Variants in GRAMD1B observed in about 807,000 individuals in gnomAD.
The protein encoded by GRAMD1B is GRAM domain containing 1B, also known as protein Aster-B.
GRAMD1B carries 37 observed loss-of-function variants against 99.7 expected under a neutral mutation model. The ratio of observed to expected loss-of-function variants is 0.37; its 90% CI spans 0.29 to 0.49. GRAMD1B has a LOEUF of 0.49. Among genes scored for constraint, GRAMD1B ranks in the 20% least tolerant of loss-of-function variants. GRAMD1B has a pLI of 0.98. For missense variants in GRAMD1B, 888 were observed against 1,009.2 expected (o/e 0.88, Z 1.63); for synonymous variants, 427 against 387.6 (o/e 1.10, Z -1.19).
At chr11:123,572,857 C>A (rs1180504658) in intron 2 of GRAMD1B, among the ~76,000 whole-genome samples, 6 of 147,872 alleles carry the variant, frequency 4.1e-5, no homozygotes, top group African/African-American at 1.5e-4. Context: ...ATGGCTGGGG[C>A]AGGGGCACAG....
intron 1 of GRAMD1B, among the ~76,000 whole-genome samples, chr11:123,444,389 G>A (rs181924204): frequency 1.8e-3 from 270 of 152,226 alleles, no homozygotes; most frequent in Non-Finnish European, 3.4e-3. Context: ...CACTTTGGGT[G>A]GCTGAGGTGG....
chr11:123,523,294 G>A (rs973630119), intron 2 of GRAMD1B, among the ~76,000 whole-genome samples: 3 of 152,034 alleles, frequency 2.0e-5, no homozygotes, highest in Admixed American at 6.6e-5. Context: ...ATTGCACCAC[G>A]GCACTCCAGC....
intron 2 of GRAMD1B, among the ~76,000 whole-genome samples, chr11:123,520,784 A>AG (rs1400499542): frequency 3.3e-5 from 5 of 150,424 alleles, no homozygotes; most frequent in Non-Finnish European, 5.9e-5. Context: ...GTCAAAAAAA[A>AG]AAAAAAAAAG....
At chr11:123,527,144 A>G (rs1463627601) in intron 2 of GRAMD1B, among the ~76,000 whole-genome samples, 6 of 152,266 alleles carry the variant, frequency 3.9e-5, no homozygotes, top group Non-Finnish European at 7.4e-5. Context: ...AGCAAGGATG[A>G]GTCCTGCCTT....
rs1955463049 is a variant in GRAMD1B, at chr11:123,625,749, G to A, written c.*3154G>A. 1 of 152,254 alleles carries A rather than the reference G, an allele frequency of 6.6e-6. No individual in the cohort carries two copies. Among genetic ancestry groups the A allele is most frequent in the South Asian group, 2.1e-4 (1 of 4,824 alleles). The allele number at this position is 152,254 out of a possible 1,614,324, so 9.4% of individuals were successfully genotyped here. ...GGTTCTAGCTTTGACATCATCTTGGGGGTTAGGCCAGAGGCTGGGAAGACT... is the reference window on the plus strand; with the variant it reads ...GGTTCTAGCTTTGACATCATCTTGGAGGTTAGGCCAGAGGCTGGGAAGACT... On this transcript the variant is annotated 3_prime_UTR_variant, in exon 20 of 20. Coordinates refer to ENST00000635736, the MANE Select transcript of GRAMD1B (RefSeq NM_001387025.1).
chr11:123,525,965 G>A (rs1340365427), intron 2 of GRAMD1B: 1 of 606,890 alleles, frequency 1.6e-6, no homozygotes. Flanking sequence ...GGGGAAGAAG[G>A]GGCAGTGGCA....
chr11:123,547,660 T>A (rs182082284), intron 2 of GRAMD1B, among the ~76,000 whole-genome samples: 3 of 152,362 alleles, frequency 2.0e-5, no homozygotes, highest in East Asian at 3.9e-4. Flanking sequence ...CCTTAAGGCA[T>A]CTCTCCTTTA....
At chr11:123,468,630 C>CA (rs1950825683) in intron 1 of GRAMD1B, among the ~76,000 whole-genome samples, 1 of 151,654 alleles carries the variant, frequency 6.6e-6, no homozygotes, top group Admixed American at 6.6e-5. Context: ...CTTATCTTTA[C>CA]AAAAAATACA....
chr11:123,468,153 C>T (rs537742421), intron 1 of GRAMD1B, among the ~76,000 whole-genome samples: 35 of 152,264 alleles, frequency 2.3e-4, no homozygotes, highest in African/African-American at 7.9e-4. Context: ...TGAGTCACCG[C>T]ACCCAGCCTC....
chr11:123,593,880 G>C (rs1171175406), intron 4 of GRAMD1B, among the ~76,000 whole-genome samples: 5 of 152,156 alleles, frequency 3.3e-5, no homozygotes, highest in African/African-American at 7.2e-5. Flanking sequence ...TGGCTGCATA[G>C]TGTTTCCCAG....
At chr11:123,513,465 G>GT in intron 2 of GRAMD1B, among the ~76,000 whole-genome samples, 1 of 151,536 alleles carries the variant, frequency 6.6e-6, no homozygotes, top group Non-Finnish European at 1.5e-5. Context: ...ATGATGAATT[G>GT]TTACTGAGAG....
intron 2 of GRAMD1B, among the ~76,000 whole-genome samples, chr11:123,493,226 G>C (rs889567850): frequency 6.6e-6 from 1 of 152,190 alleles, no homozygotes; most frequent in African/African-American, 2.4e-5. Context: ...CATCCTCTCT[G>C]AATGTTTCCT....
chr11:123,520,770 C>A (rs1407469277), intron 2 of GRAMD1B, among the ~76,000 whole-genome samples: 1 of 101,938 alleles, frequency 9.8e-6, no homozygotes, highest in African/African-American at 3.7e-5. Flanking sequence ...CAGAGTGAGA[C>A]CCTGTCAAAA....
At chr11:123,513,991 G>C (rs1381668766) in intron 2 of GRAMD1B, among the ~76,000 whole-genome samples, 1 of 152,128 alleles carries the variant, frequency 6.6e-6, no homozygotes, top group Non-Finnish European at 1.5e-5. Flanking sequence ...AGAGGTTAGG[G>C]AGCATTAATT....
chr11:123,574,465 G>C (rs1592079639), intron 2 of GRAMD1B, among the ~76,000 whole-genome samples: 1 of 152,202 alleles, frequency 6.6e-6, no homozygotes, highest in Non-Finnish European at 1.5e-5. Context: ...TATTGGAAGA[G>C]GGTGAGCAGA....
intron 2 of GRAMD1B, among the ~76,000 whole-genome samples, chr11:123,533,981 A>G (rs1330500634): frequency 1.3e-5 from 2 of 152,236 alleles, no homozygotes; most frequent in Non-Finnish European, 1.5e-5. Context: ...AGTTTGAGGA[A>G]TAGTAATTTA....
chr11:123,406,898 A>C (rs1394655286), intron 1 of GRAMD1B, among the ~76,000 whole-genome samples: 1 of 152,198 alleles, frequency 6.6e-6, no homozygotes, highest in African/African-American at 2.4e-5. Context: ...ATATATATCA[A>C]TGTGCCAGAC....
chr11:123,456,029 G>T (rs911444505), intron 1 of GRAMD1B, among the ~76,000 whole-genome samples: 2 of 152,060 alleles, frequency 1.3e-5, no homozygotes, highest in Non-Finnish European at 2.9e-5. Context: ...AAATTAGCTG[G>T]GTGTGGTGGC....
At chr11:123,614,904 C>G in intron 17 of GRAMD1B, 69 bp downstream of exon 17, 1 of 879,850 alleles carries the variant, frequency 1.1e-6, no homozygotes, top group Non-Finnish European at 1.8e-6. Flanking sequence ...CCCCAGCCCT[C>G]GTCTCTTGAA....
Sources: allele counts gnomAD v4.1 joint callset (sites outside exome capture counted in the v4.1 genomes callset), GRCh38; gene constraint gnomAD v4.1.1; transcripts MANE v1.5; gene names NCBI Gene and HGNC (gene_info 2026-07-23, HGNC 2026-07-21).